The following ABLIM3 variants were observed in gnomAD, a reference collection of about 807,000 sequenced individuals.
The protein encoded by ABLIM3 is actin binding LIM protein family member 3.
Under a neutral mutation model 109.5 loss-of-function variants are expected in ABLIM3, and 61 were observed. The observed-to-expected ratio is 0.56, with a 90% CI of 0.45 to 0.69. The LOEUF is 0.69. ABLIM3 is among the 30% of genes least tolerant of loss of function. ABLIM3 has a pLI of 0.00. For synonymous variants in ABLIM3, 300 were observed against 324.8 expected (o/e 0.92, Z 0.82); for missense variants, 796 against 889.5 (o/e 0.89, Z 1.34).
At chr5:149,200,802 A>G (rs1420328415) in intron 5 of ABLIM3, among the ~76,000 whole-genome samples, 3 of 152,210 alleles carry the variant, frequency 2.0e-5, no homozygotes, top group South Asian at 4.1e-4. Flanking sequence ...ATTGGCAGAC[A>G]TGGCTTACAG....
At chr5:149,212,420 G>A (rs1272590936) in intron 7 of ABLIM3, among the ~76,000 whole-genome samples, 1 of 152,138 alleles carries the variant, frequency 6.6e-6, no homozygotes, top group Non-Finnish European at 1.5e-5. Flanking sequence ...GGGAAGGAAC[G>A]TCCTGGTTAG....
At chr5:149,189,359 T>C (rs774406287) in intron 3 of ABLIM3, among the ~76,000 whole-genome samples, 3 of 152,188 alleles carry the variant, frequency 2.0e-5, no homozygotes, top group Non-Finnish European at 4.4e-5. Context: ...ATCAATTAGA[T>C]ATTATCAAAA....
chr5:149,216,931 C>T (rs1364769379), intron 7 of ABLIM3, 28 bp from the exon 8 acceptor site: 3 of 1,605,970 alleles, frequency 1.9e-6, no homozygotes, highest in East Asian at 2.2e-5. Flanking sequence ...TGGCTCTGAC[C>T]TCCTGTTTCA....
chr5:149,162,504 G>T (rs190005760), intron 2 of ABLIM3, among the ~76,000 whole-genome samples: 1 of 152,314 alleles, frequency 6.6e-6, no homozygotes, highest in Admixed American at 6.5e-5. Flanking sequence ...ATAGGATAGA[G>T]GCTTTGCTTC....
chr5:149,189,113 T>C (rs181679297), intron 3 of ABLIM3, among the ~76,000 whole-genome samples: 2 of 152,296 alleles, frequency 1.3e-5, no homozygotes, highest in African/African-American at 2.4e-5. Flanking sequence ...AGGGGAAGAA[T>C]GGTCTTTTCA....
intron 19 of ABLIM3, 28 bp from the exon 20 acceptor site, chr5:149,250,419 G>C: frequency 6.2e-7 from 1 of 1,613,438 alleles, no homozygotes; most frequent in Non-Finnish European, 8.5e-7. Flanking sequence ...TGGGACTCCT[G>C]ATAATTGCTC....
chr5:149,182,408 G>A (rs750328639), intron 2 of ABLIM3, among the ~76,000 whole-genome samples: 2 of 152,122 alleles, frequency 1.3e-5, no homozygotes, highest in Non-Finnish European at 2.9e-5. Flanking sequence ...CAGTGCCACA[G>A]GGGTTTTCTA....
In ABLIM3 at chr5:149,230,687, C is replaced by G. The variant is rs758578982; in HGVS notation, c.796C>G (p.Arg266Gly). The change falls in exon 9 of 24, where the codon CGG (arginine) becomes GGG (glycine). Residue 266 changes from arginine to glycine, a missense_variant. Arg to Gly is a moderately radical substitution (Grantham distance 125). Coordinates refer to ENST00000309868, the MANE Select transcript of ABLIM3 (RefSeq NM_014945.5). ...GCACCCCATCTGCAAACAGGCAGCC[C>G]GGGCAGAGAAGAAGTTAAAGGTAAG... Reference protein sequence around the residue: ...VWHPICKQAARAEKKLKHRRT... With the variant: ...VWHPICKQAAGAEKKLKHRRT... 6.2e-7 allele frequency: 1 copy of G among 1,614,018 alleles called. No individual in the cohort carries two copies. Among genetic ancestry groups the G allele is most frequent in the Non-Finnish European group, 8.5e-7 (1 of 1,179,962 alleles).
In ABLIM3 at chr5:149,250,464, T is replaced by C. The variant is rs141615379; in HGVS notation, c.1747T>C (p.Ser583Pro). The C allele has an allele frequency of 7.4e-6, 12 of 1,614,064 alleles. No individual in the cohort carries two copies. In the African/African-American group the frequency reaches 1.5e-4, roughly 20 times the overall value. ...LADSDPLISK[S>P]ASLPAYRRNG... Reference sequence around the variant, plus strand: ...CTTTTCAGATCCTCTCATCTCCAAATCTGCCTCCCTGCCTGCCTACCGAAG... The same window carrying C: ...CTTTTCAGATCCTCTCATCTCCAAACCTGCCTCCCTGCCTGCCTACCGAAG... Residue 583 changes from serine to proline, a missense_variant, in exon 20 of 24, where the codon TCT (serine) becomes CCT (proline). Physicochemically the swap from Ser to Pro is moderately conservative, Grantham distance 74. Coordinates refer to ENST00000309868, the MANE Select transcript of ABLIM3 (RefSeq NM_014945.5).
chr5:149,244,823 C>A, intron 15 of ABLIM3, 58 bp from the exon 16 acceptor site: 1 of 1,611,708 alleles, frequency 6.2e-7, no homozygotes, highest in Non-Finnish European at 8.5e-7. Context: ...GAAAAGGGTA[C>A]ACAGTCCCAT....
intron 4 of ABLIM3, 72 bp from the exon 5 acceptor site, chr5:149,200,244 A>G: frequency 7.5e-7 from 1 of 1,334,286 alleles, no homozygotes; most frequent in Non-Finnish European, 1.1e-6. Context: ...AAGTGCTTTG[A>G]GCACATGTGT....
chr5:149,153,251 C>T (rs1753593487), intron 2 of ABLIM3, among the ~76,000 whole-genome samples: 4 of 152,160 alleles, frequency 2.6e-5, no homozygotes, highest in Admixed American at 6.5e-5. Context: ...TCTATAGAAC[C>T]TCTATCTACC....
chr5:149,220,705 G>A (rs1482206128), intron 8 of ABLIM3: 1 of 152,218 alleles, frequency 6.6e-6, no homozygotes, highest in Non-Finnish European at 1.5e-5. Flanking sequence ...AGAAGTGGCT[G>A]AGAGCCAGGA....
intron 2 of ABLIM3, among the ~76,000 whole-genome samples, chr5:149,170,438 C>T (rs945690495): frequency 3.9e-5 from 6 of 152,096 alleles, no homozygotes; most frequent in African/African-American, 1.2e-4. Context: ...GCCAATCATA[C>T]GGAAAGGGGA....
intron 8 of ABLIM3, among the ~76,000 whole-genome samples, chr5:149,225,172 AAATTAAC>A (rs1162416491): frequency 2.6e-5 from 4 of 152,222 alleles, no homozygotes; most frequent in African/African-American, 9.6e-5. Context: ...TCATAACACA[AAATTAAC>A]CATTTTAAAG....
chr5:149,154,647 T>G lies in ABLIM3; in HGVS notation c.13+12539T>G, dbSNP rs113661752. On this transcript the variant is annotated intron_variant, in intron 2 of 23. Transcript: ENST00000309868. ...TCTAGGGAATATCCCCATGTTATAT[T>G]TGCTCTCACTATTCTTCACAGAGCT... Among the ~76,000 whole-genome samples the G allele has an allele frequency of 1.6e-3, 242 of 152,358 alleles. 1 individual carries two copies. The highest frequency in any genetic ancestry group is 5.7e-3 in the African/African-American group (239 of 41,576).
At chr5:149,250,046 G>C (rs1581244015) in intron 19 of ABLIM3, among the ~76,000 whole-genome samples, 1 of 152,176 alleles carries the variant, frequency 6.6e-6, no homozygotes, top group East Asian at 1.9e-4. Context: ...ATCCCCAATA[G>C]ATGGTCCCAG....
chr5:149,144,619 G>T (rs1390057086), intron 2 of ABLIM3, among the ~76,000 whole-genome samples: 1 of 152,144 alleles, frequency 6.6e-6, no homozygotes, highest in Non-Finnish European at 1.5e-5. Flanking sequence ...GAGCTCACCA[G>T]ACTGTCCCAC....
intron 2 of ABLIM3, among the ~76,000 whole-genome samples, chr5:149,173,747 C>A (rs1252682081): frequency 6.6e-6 from 1 of 152,110 alleles, no homozygotes; most frequent in Non-Finnish European, 1.5e-5. Flanking sequence ...AACCGCCGGG[C>A]GCGGTGGCTC....
Sources: gnomAD v4.1 joint callset for allele counts (sites outside exome capture counted in the v4.1 genomes callset) on GRCh38, gnomAD v4.1.1 for gene constraint, MANE v1.5 for transcripts, NCBI Gene and HGNC (gene_info 2026-07-23, HGNC 2026-07-21) for gene names.